The following CHGA variants were observed in gnomAD, a reference collection of about 807,000 sequenced individuals.
CHGA encodes the protein chromogranin-A.
CHGA carries 41 observed loss-of-function variants against 54.4 expected under a neutral mutation model. The ratio of observed to expected loss-of-function variants is 0.75; its 90% CI spans 0.59 to 0.98. CHGA has a LOEUF of 0.98. Ranked by LOEUF, CHGA falls within the 50% of genes least tolerant of loss-of-function variation. The pLI, the probability that CHGA is intolerant of heterozygous loss-of-function variation, is 0.00. For missense variants in CHGA, 576 were observed against 582.3 expected (o/e 0.99, Z 0.11); for synonymous variants, 249 against 232.8 (o/e 1.07, Z -0.63).
chr14:92,926,923 C>T (rs965222831), intron 3 of CHGA, among the ~76,000 whole-genome samples: 1 of 152,208 alleles, frequency 6.6e-6, no homozygotes, highest in African/African-American at 2.4e-5. Context: ...ACACAGTTAA[C>T]TAGAACTCTG....
chr14:92,933,021 T>A, intron 7 of CHGA, 170 bp downstream of exon 7: 2 of 1,000,508 alleles, frequency 2.0e-6, no homozygotes, highest in East Asian at 2.8e-5. Context: ...ACACCCCAGC[T>A]CACAGGGGGC....
In CHGA at chr14:92,926,660, T is replaced by C; in HGVS notation, c.149T>C (p.Met50Thr). The change falls in exon 3 of 8, where the codon ATG becomes ACG. Residue 50 changes from methionine (M) to threonine (T), a missense_variant. Physicochemically the swap from Met to Thr is moderately conservative, Grantham distance 81. Transcript: ENST00000216492. ...ISDTLSKPSP[M>T]PVSQECFETL... ...GACACACTTTCCAAGCCCAGCCCCA[T>C]GCCTGTCAGCCAGGAATGTTTTGAG... is the stretch of plus-strand genomic sequence containing the variant. 1 of 1,614,008 alleles carries C rather than the reference T, an allele frequency of 6.2e-7. No homozygotes were observed. The highest frequency in any genetic ancestry group is 8.5e-7 in the Non-Finnish European group (1 of 1,180,002).
chr14:92,932,727 AGCT>A lies in CHGA; in HGVS notation c.1169_1171del (p.Leu390del), dbSNP rs1315450229. The A allele has an allele frequency of 5.0e-6, 8 of 1,610,590 alleles. No individual in the cohort carries two copies. Among genetic ancestry groups the A allele is most frequent in the Admixed American group, 1.7e-5 (1 of 59,874 alleles). On this transcript the variant is annotated inframe_deletion, in exon 7 of 8. Coordinates refer to ENST00000216492, the MANE Select transcript of CHGA (RefSeq NM_001275.4). The surrounding 1 kb of genome is among the most constrained non-coding windows in gnomAD (Gnocchi z 5.3). ...TACGGCTTCAGGGGCCCTGGGCCGC[AGCT>A]GCGACGAGGCTGGAGGCCATCCTCC...
At chr14:92,929,130 G>T (rs1344175277) in intron 4 of CHGA, among the ~76,000 whole-genome samples, 1 of 152,244 alleles carries the variant, frequency 6.6e-6, no homozygotes, top group Non-Finnish European at 1.5e-5. Context: ...GGCGGCGGGG[G>T]GAGAGGGGTC....
chr14:92,924,293 T>G (rs1356520257), intron 2 of CHGA, 48 bp downstream of exon 2: 1 of 1,567,744 alleles, frequency 6.4e-7, no homozygotes, highest in East Asian at 2.3e-5. Flanking sequence ...CAGTGGACAC[T>G]TCACAGCCAG....
chr14:92,932,020 A>C lies in CHGA; in HGVS notation c.808+318A>C. On this transcript the variant is annotated intron_variant, in intron 6 of 7. Coordinates refer to ENST00000216492, the MANE Select transcript of CHGA (RefSeq NM_001275.4). The surrounding 1 kb of genome is among the most constrained non-coding windows in gnomAD (Gnocchi z 5.3). Reference sequence around the variant, plus strand: ...GGTGATGGGTGGGCTGGCTTTGGGAACAGAGACCATGGCAGGAGCGCACAG... The same window carrying C: ...GGTGATGGGTGGGCTGGCTTTGGGACCAGAGACCATGGCAGGAGCGCACAG... The C allele has an allele frequency of 2.2e-6, 1 of 452,090 alleles. No homozygotes were observed. The highest frequency in any genetic ancestry group is 4.3e-5 in the South Asian group (1 of 23,058). 28.0% of individuals were successfully genotyped at this position (452,090 alleles called of 1,614,324 possible). A position where few individuals can be genotyped will look rare whatever the true frequency, so the allele number is the denominator to read the frequency against.
At chr14:92,930,615 T>A (rs927727187) in intron 5 of CHGA, among the ~76,000 whole-genome samples, 2 of 152,174 alleles carry the variant, frequency 1.3e-5, no homozygotes, top group Non-Finnish European at 2.9e-5. Flanking sequence ...GATGGACAGG[T>A]CATCTTACCT....
In CHGA at chr14:92,929,820, G is replaced by A; in HGVS notation, c.355+5G>A. 1 of 1,607,638 alleles carries A rather than the reference G, an allele frequency of 6.2e-7. No homozygotes were observed. Among genetic ancestry groups the A allele is most frequent in the Non-Finnish European group, 8.5e-7 (1 of 1,178,682 alleles). ...GCAGCCAGGCCGAGCTGAAAGGTCT[G>A]TCCCAGCCGGTCTGGCCGGAGGTGG... On this transcript the variant is annotated splice_donor_5th_base_variant and intron_variant, in intron 5 of 7. Coordinates refer to ENST00000216492, the MANE Select transcript of CHGA (RefSeq NM_001275.4).
At chr14:92,934,701 C>A in intron 7 of CHGA, 100 bp from the exon 8 acceptor site, 1 of 812,784 alleles carries the variant, frequency 1.2e-6, no homozygotes, top group Non-Finnish European at 2.0e-6. Context: ...ACAAAGCCAC[C>A]TGTCCGAGGC....
Position 92,923,295 on chromosome 14 carries a change from C to A in CHGA, c.-65C>A. On this transcript the variant is annotated 5_prime_UTR_variant, in exon 1 of 8. Transcript: ENST00000216492. ...GCCCGACCCCGGCCGCCAGTCCAGC[C>A]GCCCCTCGCCCGGTGCCTAGGTGCC... 8.0e-7 allele frequency: 1 copy of A among 1,257,258 alleles called. No homozygotes were observed. Among genetic ancestry groups the A allele is most frequent in the Non-Finnish European group, 1.0e-6 (1 of 1,002,050 alleles). 77.9% of individuals were successfully genotyped at this position (1,257,258 alleles called of 1,614,324 possible).
chr14:92,926,574 G>T (rs1319197681), intron 2 of CHGA, 31 bp from the exon 3 acceptor site: 1 of 1,600,726 alleles, frequency 6.2e-7, no homozygotes, highest in South Asian at 1.1e-5. Flanking sequence ...GCTCAAACCA[G>T]CCCCAACCTG....
At chr14:92,934,568 G>C (rs1887078882) in intron 7 of CHGA, among the ~76,000 whole-genome samples, 1 of 152,202 alleles carries the variant, frequency 6.6e-6, no homozygotes, top group African/African-American at 2.4e-5. Flanking sequence ...TGGATAAGAG[G>C]CCACCAAGAG....
chr14:92,924,142 G>A, intron 1 of CHGA, 57 bp from the exon 2 acceptor site: 1 of 1,588,092 alleles, frequency 6.3e-7, no homozygotes, highest in Non-Finnish European at 8.6e-7. Flanking sequence ...CGGTCAGAAA[G>A]GACTGGCCTC....
chr14:92,929,392 G>A (rs914429353), intron 4 of CHGA, among the ~76,000 whole-genome samples: 6 of 148,214 alleles, frequency 4.0e-5, no homozygotes, highest in Non-Finnish European at 7.4e-5. Flanking sequence ...GGTCCTGAGG[G>A]GTTCCCCACC....
In CHGA at chr14:92,934,899, G is replaced by C; in HGVS notation, c.*15G>C. 1 of 1,549,980 alleles carries C rather than the reference G, an allele frequency of 6.5e-7. No homozygotes were observed. Among genetic ancestry groups the C allele is most frequent in the Non-Finnish European group, 8.7e-7 (1 of 1,148,848 alleles). On this transcript the variant is annotated 3_prime_UTR_variant, in exon 8 of 8. Coordinates refer to ENST00000216492, the MANE Select transcript of CHGA (RefSeq NM_001275.4). ...GGCGGGGCTGAGACACCGGCTGGCA[G>C]GGCTGGCCCCAGGGCACCCTGTGGC...
Position 92,932,005 on chromosome 14 carries a change from G to GTAGATCTC in CHGA, c.808+303_808+304insTAGATCTC. 2.2e-6 allele frequency: 1 copy of GTAGATCTC among 462,358 alleles called. No individual in the cohort carries two copies. The highest frequency in any genetic ancestry group is 3.8e-6 in the Non-Finnish European group (1 of 264,446). The allele number at this position is 462,358 out of a possible 1,614,324, so 28.6% of individuals were successfully genotyped here. A position where few individuals can be genotyped will look rare whatever the true frequency, so the allele number is the denominator to read the frequency against. On this transcript the variant is annotated intron_variant, in intron 6 of 7. Coordinates refer to ENST00000216492, the MANE Select transcript of CHGA (RefSeq NM_001275.4). The surrounding 1 kb of genome is among the most constrained non-coding windows in gnomAD (Gnocchi z 5.3). ...CAGAAGCTAGGGGTGGGTGATGGGT[G>GTAGATCTC]GGCTGGCTTTGGGAACAGAGACCAT...
chr14:92,931,574 G>A lies in CHGA; in HGVS notation c.680G>A (p.Arg227Lys), dbSNP rs560425894. The A allele has an allele frequency of 6.2e-7, 1 of 1,612,638 alleles. No homozygotes were observed. The highest frequency in any genetic ancestry group is 1.7e-5 in the Admixed American group (1 of 59,916). The change falls in exon 6 of 8, where the codon AGA becomes AAA. Residue 227 changes from arginine to lysine, a missense_variant. Coordinates refer to ENST00000216492, the MANE Select transcript of CHGA (RefSeq NM_001275.4). The stretch of plus-strand genomic sequence containing the variant: ...GCAGAGCCAGGGTGGCAGGCAAAGA[G>A]AGAAGAGGAGGAGGAGGAGGAGGAG... ...LSAEPGWQAK[R>K]EEEEEEEEEA... is the part of the protein sequence containing the mutation.
rs1887004977 is a variant in CHGA, at chr14:92,931,794, T to A, written c.808+92T>A. 12 of 1,288,206 alleles carry A rather than the reference T, an allele frequency of 9.3e-6. No homozygotes were observed. In the South Asian group the frequency reaches 1.3e-4, roughly 14 times the overall value. The allele number at this position is 1,288,206 out of a possible 1,614,324, so 79.8% of individuals were successfully genotyped here. ...TCTCCATAACCTCATTCCACCTTCA[T>A]AACAACCCTGAAAGGTAGGTATTAG... On this transcript the variant is annotated intron_variant, in intron 6 of 7. Transcript: ENST00000216492.
intron 7 of CHGA, among the ~76,000 whole-genome samples, chr14:92,933,918 G>A (rs1566676228): frequency 6.6e-6 from 1 of 152,168 alleles, no homozygotes; most frequent in Non-Finnish European, 1.5e-5. Flanking sequence ...AGAGGATGGG[G>A]TGGGGGCCTC....
Sources: gnomAD v4.1 joint callset for allele counts (sites outside exome capture counted in the v4.1 genomes callset) on GRCh38, gnomAD v4.1.1 for gene constraint, Gnocchi (gnomAD v3.1) non-coding constraint, MANE v1.5 for transcripts, NCBI Gene and HGNC (gene_info 2026-07-23, HGNC 2026-07-21) for gene names.